The following RPH3A variants were observed in gnomAD, a reference collection of about 807,000 sequenced individuals.
RPH3A encodes the protein rabphilin 3A.
RPH3A carries 48 observed loss-of-function variants against 102.2 expected under a neutral mutation model. The observed-to-expected ratio is 0.47, with a 90% CI of 0.37 to 0.60. The LOEUF (loss-of-function observed/expected upper bound fraction) is 0.60, where lower values mean the gene tolerates loss of function less well. Among genes scored for constraint, RPH3A ranks in the 20% least tolerant of loss-of-function variants. The probability of loss-of-function intolerance (pLI) is 0.00; values close to 1 mark genes in which losing one functional copy is unlikely to be tolerated. For synonymous variants in RPH3A, 310 were observed against 324.3 expected (o/e 0.96, Z 0.47); for missense variants, 781 against 910.1 (o/e 0.86, Z 1.83).
At chr12:112,578,536 C>G (rs2039374782) in intron 1 of RPH3A, among the ~76,000 whole-genome samples, 1 of 152,176 alleles carries the variant, frequency 6.6e-6, no homozygotes, top group African/African-American at 2.4e-5. Flanking sequence ...GGAGGTAGAA[C>G]AGCCAGAACT....
intron 7 of RPH3A, among the ~76,000 whole-genome samples, chr12:112,867,806 A>G (rs895325104): frequency 9.2e-5 from 14 of 152,214 alleles, no homozygotes; most frequent in African/African-American, 2.9e-4. Context: ...CCAAGCTTTC[A>G]AGAGGCTTTG....
chr12:112,791,940 C>G lies in RPH3A; in HGVS notation c.-212C>G, dbSNP rs2041125987. On this transcript the variant is annotated 5_prime_UTR_variant, in exon 1 of 22. Transcript: ENST00000389385. The stretch of plus-strand genomic sequence containing the variant: ...CTAAAACCTTCATCCATGTGGAGGA[C>G]AGTCTGAGGGAGCCACTGTCCCTTG... 9.2e-6 allele frequency: 1 copy of G among 109,056 alleles called. No individual in the cohort carries two copies. Among genetic ancestry groups the G allele is most frequent in the Admixed American group, 1.0e-4 (1 of 10,030 alleles). The allele number at this position is 109,056 out of a possible 1,614,324, so 6.8% of individuals were successfully genotyped here.
At chr12:112,814,982 T>C (rs1331371065) in intron 2 of RPH3A, among the ~76,000 whole-genome samples, 4 of 152,158 alleles carry the variant, frequency 2.6e-5, no homozygotes, top group Non-Finnish European at 4.4e-5. Context: ...GTCTCTAGGC[T>C]TGGAGGGGCT....
At chr12:112,783,138 T>C (rs1159798977) in intron 1 of RPH3A, among the ~76,000 whole-genome samples, 1 of 152,112 alleles carries the variant, frequency 6.6e-6, no homozygotes, top group Non-Finnish European at 1.5e-5. Flanking sequence ...TGGGGTGAGC[T>C]CGTCTCTCCA....
At chr12:112,741,130 G>A (rs370463162) in intron 1 of RPH3A, among the ~76,000 whole-genome samples, 1 of 150,882 alleles carries the variant, frequency 6.6e-6, no homozygotes, top group East Asian at 1.9e-4. Context: ...CAACTTCTGT[G>A]TAGTAGGCTT....
chr12:112,681,195 T>G (rs549751249), intron 1 of RPH3A, among the ~76,000 whole-genome samples: 2 of 152,166 alleles, frequency 1.3e-5, no homozygotes, highest in Non-Finnish European at 2.9e-5. Flanking sequence ...CCCTGTATGA[T>G]CCTTGCTGCC....
chr12:112,859,397 T>C (rs1174820895), intron 5 of RPH3A, among the ~76,000 whole-genome samples: 2 of 152,206 alleles, frequency 1.3e-5, no homozygotes, highest in Non-Finnish European at 2.9e-5. Flanking sequence ...AAATAATACA[T>C]GTTCATTTTA....
intron 1 of RPH3A, among the ~76,000 whole-genome samples, chr12:112,678,829 A>G (rs1169872331): frequency 6.6e-6 from 1 of 152,212 alleles, no homozygotes; most frequent in African/African-American, 2.4e-5. Context: ...CTGGGGAAGC[A>G]GACCAGAAAA....
At chr12:112,814,324 G>A (rs2136126682) in intron 2 of RPH3A, among the ~76,000 whole-genome samples, 1 of 152,226 alleles carries the variant, frequency 6.6e-6, no homozygotes, top group East Asian at 1.9e-4. Context: ...AGAAGAGTCT[G>A]TGAACTTGAG....
intron 20 of RPH3A, chr12:112,895,378 A>C (rs2043163201): frequency 6.2e-6 from 1 of 162,504 alleles, no homozygotes; most frequent in Non-Finnish European, 1.4e-5. Flanking sequence ...CTGGAATTAC[A>C]GGTGTGAGCC....
At chr12:112,862,311 A>G (rs923982283) in intron 5 of RPH3A, among the ~76,000 whole-genome samples, 5 of 152,194 alleles carry the variant, frequency 3.3e-5, no homozygotes, top group African/African-American at 1.2e-4. Context: ...AGGCTCAGGC[A>G]GGAGAACTAC....
chr12:112,842,883 CA>C (rs2042168867), intron 4 of RPH3A, among the ~76,000 whole-genome samples: 1 of 152,216 alleles, frequency 6.6e-6, no homozygotes, highest in Non-Finnish European at 1.5e-5. Flanking sequence ...TCTCAATTAA[CA>C]GACCAGGAAA....
At chr12:112,855,027 C>T (rs1200354825) in intron 5 of RPH3A, among the ~76,000 whole-genome samples, 2 of 150,568 alleles carry the variant, frequency 1.3e-5, no homozygotes, top group South Asian at 2.1e-4. Context: ...CAGGCCTCAG[C>T]ACCACATTCT....
intron 1 of RPH3A, among the ~76,000 whole-genome samples, chr12:112,620,966 TTC>T: frequency 6.6e-6 from 1 of 152,172 alleles, no homozygotes; most frequent in East Asian, 1.9e-4. Context: ...CCTCAGCCTG[TTC>T]TGTTTTAGTT....
At chr12:112,863,893 C>G (rs1023120506) in intron 5 of RPH3A, among the ~76,000 whole-genome samples, 14 of 152,230 alleles carry the variant, frequency 9.2e-5, no homozygotes, top group African/African-American at 3.4e-4. Context: ...ATTGATTTAA[C>G]TAGCATATAC....
chr12:112,894,552 T>C (rs1171503756), intron 19 of RPH3A, 26 bp from the exon 20 acceptor site: 4 of 1,609,836 alleles, frequency 2.5e-6, no homozygotes, highest in Non-Finnish European at 3.4e-6. Context: ...ACGTCATCCA[T>C]AATAGCATGT....
At chr12:112,758,661 G>C (rs2136065196) in intron 1 of RPH3A, among the ~76,000 whole-genome samples, 1 of 152,272 alleles carries the variant, frequency 6.6e-6, no homozygotes, top group South Asian at 2.1e-4. Flanking sequence ...ACTTATTCAA[G>C]CTAGTCAGTG....
chr12:112,856,062 C>T (rs2042405384), intron 5 of RPH3A, among the ~76,000 whole-genome samples: 1 of 152,156 alleles, frequency 6.6e-6, no homozygotes, highest in Non-Finnish European at 1.5e-5. Context: ...TGGCTGCATC[C>T]CATCGGTTGG....
chr12:112,666,995 G>A (rs189369024), intron 1 of RPH3A, among the ~76,000 whole-genome samples: 49 of 152,170 alleles, frequency 3.2e-4, no homozygotes, highest in Non-Finnish European at 4.7e-4. Flanking sequence ...TTAAAATAAA[G>A]ACCTGAATCC....
Sources: allele counts gnomAD v4.1 joint callset (sites outside exome capture counted in the v4.1 genomes callset), GRCh38; gene constraint gnomAD v4.1.1; transcripts MANE v1.5; gene names NCBI Gene and HGNC (gene_info 2026-07-23, HGNC 2026-07-21).